The following ZNF492 variants were observed in gnomAD, a reference collection of about 807,000 sequenced individuals.
ZNF492 encodes the protein zinc finger protein 115 (Y20).
In ZNF492, 3 loss-of-function variants were observed where a neutral mutation model predicts 6.4. The observed-to-expected ratio is 0.47, with a 90% CI of 0.21 to 1.22. ZNF492 has a LOEUF of 1.22. Among genes scored for constraint, ZNF492 ranks in the 50% most tolerant of loss-of-function variants. The pLI is 0.22. For missense variants in ZNF492, 356 were observed against 612.5 expected, an observed-to-expected ratio of 0.58 and a Z score of 4.42; for synonymous variants, 112 against 205.3, an observed-to-expected ratio of 0.55 and a Z score of 3.89.
At chr19:22,635,684 C>A (rs990630754) in intron 1 of ZNF492, among the ~76,000 whole-genome samples, 2 of 152,148 alleles carry the variant, frequency 1.3e-5, no homozygotes, top group African/African-American at 2.4e-5. Flanking sequence ...GCTTAGCAAC[C>A]CTGTCGTTTA....
Position 22,636,512 on chromosome 19 carries a change from TTCTG to T in ZNF492, c.-94+2040_-94+2043del. 3.1e-5 allele frequency among the ~76,000 whole-genome samples: 3 copies of T among 97,126 alleles called. No homozygotes were observed. In the Middle Eastern group the frequency reaches 0.013, roughly 426 times the overall value. The allele number at this position is 97,126 out of a possible 152,430, so 63.7% of individuals were successfully genotyped here. On this transcript the variant is annotated intron_variant, in intron 1 of 3. Transcript: ENST00000456783. Reference sequence around the variant, plus strand: ...CTATGTTGCTTCAAAGGACATGATCTTCTGTGTGTGTGTGTGTGTGTGTGTGTGT... The same window carrying T: ...CTATGTTGCTTCAAAGGACATGATCTTGTGTGTGTGTGTGTGTGTGTGTGT...
intron 1 of ZNF492, among the ~76,000 whole-genome samples, chr19:22,642,788 T>C (rs1336973755): frequency 6.6e-6 from 1 of 152,124 alleles, no homozygotes; most frequent in Non-Finnish European, 1.5e-5. Context: ...TTTTCAGTCA[T>C]TAAAAGTACA....
In ZNF492 at chr19:22,653,909, T is replaced by A; in HGVS notation, c.35-11T>A. ...ATATGAGCAAGATTCATGTTATTTG[T>A]AATAAAACAGGTATTGCTGCCTCTA... On this transcript the variant is annotated splice_polypyrimidine_tract_variant and intron_variant, in intron 2 of 3. Coordinates refer to ENST00000456783, the MANE Select transcript of ZNF492 (RefSeq NM_020855.3). 6.4e-7 allele frequency: 1 copy of A among 1,574,282 alleles called. No homozygotes were observed. Among genetic ancestry groups the A allele is most frequent in the Non-Finnish European group, 8.6e-7 (1 of 1,166,854 alleles).
At chr19:22,643,910 G>A (rs1405659955) in intron 1 of ZNF492, among the ~76,000 whole-genome samples, 1 of 152,130 alleles carries the variant, frequency 6.6e-6, no homozygotes, top group Non-Finnish European at 1.5e-5. Context: ...ATAGGGACAG[G>A]GCAGTGTGGC....
At chr19:22,642,927 T>C (rs1314307918) in intron 1 of ZNF492, among the ~76,000 whole-genome samples, 3 of 152,170 alleles carry the variant, frequency 2.0e-5, no homozygotes, top group African/African-American at 7.2e-5. Context: ...TGACAGAAAC[T>C]TGATTATCCA....
intron 1 of ZNF492, among the ~76,000 whole-genome samples, chr19:22,652,031 G>C (rs943640490): frequency 2.0e-5 from 3 of 152,086 alleles, no homozygotes; most frequent in African/African-American, 7.3e-5. Context: ...TAGCAGTGAT[G>C]CCGTGTCCTT....
At chr19:22,637,138 T>C (rs1046730169) in intron 1 of ZNF492, among the ~76,000 whole-genome samples, 5 of 150,768 alleles carry the variant, frequency 3.3e-5, no homozygotes, top group Admixed American at 3.3e-4. Context: ...TGTGTTTTTA[T>C]TTATTTATTT....
chr19:22,650,690 CTGTAG>C (rs1193577728), intron 1 of ZNF492, among the ~76,000 whole-genome samples: 1 of 152,134 alleles, frequency 6.6e-6, no homozygotes, highest in Non-Finnish European at 1.5e-5. Context: ...TGAAGAGGAG[CTGTAG>C]CTGCAGTCTG....
intron 1 of ZNF492, among the ~76,000 whole-genome samples, chr19:22,648,967 C>T (rs1971912409): frequency 6.6e-6 from 1 of 152,170 alleles, no homozygotes; most frequent in Non-Finnish European, 1.5e-5. Flanking sequence ...GAAGTTGATC[C>T]TGTCATCATG....
At chr19:22,642,707 C>T (rs1971841057) in intron 1 of ZNF492, among the ~76,000 whole-genome samples, 1 of 151,950 alleles carries the variant, frequency 6.6e-6, no homozygotes, top group Non-Finnish European at 1.5e-5. Context: ...CTTTTTGACT[C>T]AGGATTGTCT....
chr19:22,650,412 A>G (rs1971927835), intron 1 of ZNF492, among the ~76,000 whole-genome samples: 1 of 151,454 alleles, frequency 6.6e-6, no homozygotes, highest in African/African-American at 2.5e-5. Context: ...GAGGAACAGA[A>G]CCCATTTAAT....
chr19:22,644,595 G>A (rs2145246932), intron 1 of ZNF492, among the ~76,000 whole-genome samples: 1 of 152,260 alleles, frequency 6.6e-6, no homozygotes, highest in African/African-American at 2.4e-5. Context: ...TCCATGGTGT[G>A]TATGTACCAC....
chr19:22,643,516 G>C (rs1971849580), intron 1 of ZNF492, among the ~76,000 whole-genome samples: 1 of 152,166 alleles, frequency 6.6e-6, no homozygotes. Flanking sequence ...AGCATCATCA[G>C]CATTGACAGG....
chr19:22,658,840 A>G (rs1972024005), intron 3 of ZNF492, among the ~76,000 whole-genome samples: 1 of 143,316 alleles, frequency 7.0e-6, no homozygotes, highest in Non-Finnish European at 1.5e-5. Flanking sequence ...GAGTTTATAT[A>G]TGTGCTGCAT....
chr19:22,657,377 G>C (rs952639712), intron 3 of ZNF492, among the ~76,000 whole-genome samples: 2 of 151,918 alleles, frequency 1.3e-5, no homozygotes, highest in Non-Finnish European at 2.9e-5. Context: ...TCTAAATTTG[G>C]ATTACAGCAG....
At chr19:22,640,137 A>T (rs796236942) in intron 1 of ZNF492, among the ~76,000 whole-genome samples, 3 of 151,798 alleles carry the variant, frequency 2.0e-5, no homozygotes, top group African/African-American at 7.3e-5. Context: ...TTATTATGTG[A>T]TGAATCACAT....
At chr19:22,652,783 G>A in intron 1 of ZNF492, among the ~76,000 whole-genome samples, 1 of 152,072 alleles carries the variant, frequency 6.6e-6, no homozygotes, top group Non-Finnish European at 1.5e-5. Flanking sequence ...GTTTCACCGT[G>A]TTAGCCAGGA....
At chr19:22,640,372 G>A (rs1433179026) in intron 1 of ZNF492, among the ~76,000 whole-genome samples, 4 of 152,132 alleles carry the variant, frequency 2.6e-5, no homozygotes, top group Non-Finnish European at 4.4e-5. Context: ...ATGTTGGCCA[G>A]GCTGGTCTCG....
rs1972088942 is a variant in ZNF492 at position 22,664,032 on chromosome 19, C to T, written c.363C>T (p.Val121=). Residue 121 remains valine (V), a synonymous_variant, in exon 4 of 4, where the codon GTC becomes GTT. Transcript: ENST00000456783. ...KIFQCDKYVK[V]FHKFSNSNRH... The stretch of plus-strand genomic sequence containing the variant: ...TTCAATGTGACAAATATGTGAAAGT[C>T]TTTCATAAATTTTCAAATTCAAACA... 1.2e-6 allele frequency: 2 copies of T among 1,606,382 alleles called. No individual in the cohort carries two copies. The highest frequency in any genetic ancestry group is 1.7e-6 in the Non-Finnish European group (2 of 1,176,266).
Sources: allele counts gnomAD v4.1 joint callset (sites outside exome capture counted in the v4.1 genomes callset), GRCh38; gene constraint gnomAD v4.1.1; transcripts MANE v1.5; gene names NCBI Gene and HGNC (gene_info 2026-07-23, HGNC 2026-07-21).